RNASEH2B: variants seen among roughly 807,000 people sequenced by gnomAD.
RNASEH2B encodes ribonuclease H2 subunit B.
A neutral mutation model predicts 45.0 loss-of-function variants in RNASEH2B; 36 were observed. The ratio of observed to expected loss-of-function variants is 0.80; its 90% CI spans 0.61 to 1.06. RNASEH2B has a LOEUF of 1.06. RNASEH2B is among the 50% of genes least tolerant of loss of function. The pLI is 0.00. For missense variants in RNASEH2B, 361 were observed against 360.3 expected, an observed-to-expected ratio of 1.00 and a Z score of -0.02; for synonymous variants, 119 against 125.7, an observed-to-expected ratio of 0.95 and a Z score of 0.35.
At chr13:50,919,854 C>T (rs1951493789) in intron 1 of RNASEH2B, among the ~76,000 whole-genome samples, 1 of 152,190 alleles carries the variant, frequency 6.6e-6, no homozygotes, top group African/African-American at 2.4e-5. Flanking sequence ...AGGACTTAAA[C>T]AGTGCCTGGT....
intron 7 of RNASEH2B, among the ~76,000 whole-genome samples, chr13:50,946,031 C>T (rs1205941842): frequency 6.6e-6 from 1 of 152,138 alleles, no homozygotes; most frequent in Non-Finnish European, 1.5e-5. Flanking sequence ...CCAGTGGCTG[C>T]ATCTGTTTGC....
intron 3 of RNASEH2B, among the ~76,000 whole-genome samples, 188 bp downstream of exon 3, chr13:50,929,770 C>T (rs1951653503): frequency 6.6e-6 from 1 of 152,048 alleles, no homozygotes; most frequent in African/African-American, 2.4e-5. Context: ...TAAGTCATCT[C>T]CTGTGTGTCT....
chr13:50,920,102 C>T (rs767443214), intron 1 of RNASEH2B, among the ~76,000 whole-genome samples: 11 of 152,064 alleles, frequency 7.2e-5, no homozygotes, highest in South Asian at 2.1e-4. Flanking sequence ...GGCGTGATCT[C>T]GGCTCACTCT....
At chr13:50,910,185 G>T (rs1240335913) in intron 1 of RNASEH2B, 45 bp downstream of exon 1, 1 of 1,351,332 alleles carries the variant, frequency 7.4e-7, no homozygotes, top group Non-Finnish European at 9.6e-7. Flanking sequence ...AAGAACTGGC[G>T]GAGCGGCCCG....
chr13:50,943,304 C>CTTTTT lies in RNASEH2B; in HGVS notation c.437-13_437-9dup, dbSNP rs772054107. 3 of 1,429,438 alleles carry CTTTTT rather than the reference C, an allele frequency of 2.1e-6. No homozygotes were observed. Among genetic ancestry groups the CTTTTT allele is most frequent in the African/African-American group, 1.4e-5 (1 of 70,624 alleles). The allele number at this position is 1,429,438 out of a possible 1,614,324, so 88.5% of individuals were successfully genotyped here. ...TTTTTTTTAATTCATTGTGCTGAGT[C>CTTTTT]TTTTTTTTCTTTTAAGGTAATCCAG... On this transcript the variant is annotated splice_polypyrimidine_tract_variant and intron_variant, in intron 5 of 10. Transcript: ENST00000336617.
In RNASEH2B at chr13:50,944,045, G is replaced by A. The variant is rs113888759; in HGVS notation, c.510+651G>A. Among the ~76,000 whole-genome samples the A allele has an allele frequency of 7.8e-3, 1,175 of 150,586 alleles. 14 individuals are homozygous for A. Among genetic ancestry groups the A allele is most frequent in the African/African-American group, 0.025 (1,041 of 40,930 alleles). ...CGGGACGGACGGGACGTGATGGGAC[G>A]GGACGGGATGGGATGGGACGGGATG... On this transcript the variant is annotated intron_variant, in intron 6 of 10. Transcript: ENST00000336617.
chr13:50,963,823 C>T (rs1229681587), intron 9 of RNASEH2B, among the ~76,000 whole-genome samples: 5 of 152,188 alleles, frequency 3.3e-5, no homozygotes, highest in Admixed American at 3.3e-4. Context: ...TATCTTTCCA[C>T]TAATACTTTT....
At chr13:50,920,109 C>G (rs1593449715) in intron 1 of RNASEH2B, among the ~76,000 whole-genome samples, 1 of 152,142 alleles carries the variant, frequency 6.6e-6, no homozygotes, top group Admixed American at 6.5e-5. Context: ...TCTCGGCTCA[C>G]TCTAACTGCC....
intron 3 of RNASEH2B, among the ~76,000 whole-genome samples, chr13:50,930,375 T>C (rs1409152269): frequency 1.3e-5 from 2 of 152,154 alleles, no homozygotes; most frequent in African/African-American, 4.8e-5. Flanking sequence ...AACCCCTCGT[T>C]TTTCAGGGGG....
rs75254367 is a variant in RNASEH2B at position 50,956,450 on chromosome 13, T to TAA, written c.924_925dup (p.Ile309LysfsTer27). On this transcript the variant is annotated frameshift_variant, in exon 11 of 11. Transcript: ENST00000336617. LOFTEE classifies it high-confidence loss of function. ...TTGATACCTTTTTTGGGGTAAAAAA[T>TAA]AAAAAAAAAATTGGAAAGGTTTGAA... 2.9e-5 allele frequency: 43 copies of TAA among 1,460,818 alleles called. No homozygotes were observed. The highest frequency in any genetic ancestry group is 7.4e-5 in the Admixed American group (4 of 54,234). The allele number at this position is 1,460,818 out of a possible 1,614,324, so 90.5% of individuals were successfully genotyped here.
In RNASEH2B at chr13:50,930,659, C is replaced by T. The variant is rs181556239; in HGVS notation, c.245-24C>T. 550 of 1,562,802 alleles carry T rather than the reference C, an allele frequency of 3.5e-4. 3 individuals are homozygous for T. In the African/African-American group the frequency reaches 6.1e-3, roughly 17 times the overall value. On this transcript the variant is annotated intron_variant, in intron 3 of 10. Coordinates refer to ENST00000336617, the MANE Select transcript of RNASEH2B (RefSeq NM_024570.4). ...TTGTCTTTCCAAGACGTTTAATTCC[C>T]TTCATCCTTTTTGTAATCTGCAGGA...
chr13:50,939,081 A>G (rs1451057953), intron 5 of RNASEH2B: 2 of 152,480 alleles, frequency 1.3e-5, no homozygotes, highest in Non-Finnish European at 2.9e-5. Flanking sequence ...TGGGCCAGGC[A>G]CGGTGGCTCA....
intron 9 of RNASEH2B, chr13:50,950,753 G>C (rs1291232517): frequency 6.6e-6 from 1 of 152,110 alleles, no homozygotes; most frequent in Non-Finnish European, 1.5e-5. Context: ...ACCTATTCTT[G>C]AAAGCTTTAA....
intron 9 of RNASEH2B, among the ~76,000 whole-genome samples, chr13:50,968,347 C>G (rs1952186665): frequency 6.6e-6 from 1 of 152,134 alleles, no homozygotes; most frequent in African/African-American, 2.4e-5. Flanking sequence ...TTACAGTGGA[C>G]TATGATTATA....
intron 1 of RNASEH2B, among the ~76,000 whole-genome samples, chr13:50,916,302 T>C (rs920991343): frequency 2.0e-5 from 3 of 152,116 alleles, no homozygotes; most frequent in African/African-American, 7.2e-5. Flanking sequence ...CTCAGGGAGA[T>C]TGGGGTTACA....
chr13:50,924,557 C>A (rs997824309), intron 1 of RNASEH2B, among the ~76,000 whole-genome samples: 1 of 152,130 alleles, frequency 6.6e-6, no homozygotes, highest in South Asian at 2.1e-4. Flanking sequence ...GACAATTGAA[C>A]AATAACAGTG....
rs200802557 is a variant in RNASEH2B, at chr13:50,956,365, G to A, written c.830G>A (p.Ser277Asn). 3.6e-5 allele frequency: 57 copies of A among 1,596,938 alleles called. No homozygotes were observed. Among genetic ancestry groups the A allele is most frequent in the Middle Eastern group, 3.3e-4 (2 of 6,034 alleles). The change falls in exon 11 of 11, where the codon AGC becomes AAC. Residue 277 changes from serine (S) to asparagine (N), a missense_variant. By Grantham distance (46) the Ser-to-Asn change is conservative. Coordinates refer to ENST00000336617, the MANE Select transcript of RNASEH2B (RefSeq NM_024570.4). ...TKDLKTEKKN[S>N]KMTAAQKALA... The stretch of plus-strand genomic sequence containing the variant: ...TCTTATTTTCATTAACAGAAAAATA[G>A]CAAAATGACTGCAGCTCAGAAGGCT...
intron 5 of RNASEH2B, chr13:50,935,562 G>A (rs1951739465): frequency 6.4e-6 from 1 of 157,058 alleles, no homozygotes. Flanking sequence ...ATCTGGCGGG[G>A]TTGGGTGGGG....
intron 10 of RNASEH2B, chr13:50,955,184 G>A (rs551395686): frequency 6.6e-6 from 1 of 152,136 alleles, no homozygotes; most frequent in African/African-American, 2.4e-5. Context: ...GCTTAGGAAG[G>A]CCTTGCCCAT....
Sources: gnomAD v4.1 joint callset for allele counts (sites outside exome capture counted in the v4.1 genomes callset) on GRCh38, gnomAD v4.1.1 for gene constraint, MANE v1.5 for transcripts, NCBI Gene and HGNC (gene_info 2026-07-23, HGNC 2026-07-21) for gene names.